Variants in CACNA2D4 observed in about 807,000 individuals in gnomAD.
CACNA2D4 encodes calcium voltage-gated channel auxiliary subunit alpha2delta 4.
Under a neutral mutation model 163.8 loss-of-function variants are expected in CACNA2D4, and 157 were observed. The observed-to-expected ratio is 0.96, with a 90% CI of 0.84 to 1.09. The LOEUF (loss-of-function observed/expected upper bound fraction) is 1.09. Ranked by LOEUF, CACNA2D4 falls within the 50% of genes least tolerant of loss-of-function variation. CACNA2D4 has a pLI of 0.00. For synonymous variants in CACNA2D4, 598 were observed against 586.9 expected, an observed-to-expected ratio of 1.02 and a Z score of -0.27; for missense variants, 1,410 against 1,479.9, an observed-to-expected ratio of 0.95 and a Z score of 0.78.
chr12:1,810,388 C>T (rs1486706540), intron 28 of CACNA2D4, 48 bp from the exon 29 acceptor site: 1 of 1,578,330 alleles, frequency 6.3e-7, no homozygotes, highest in Admixed American at 1.7e-5. Context: ...CTCACCCACC[C>T]CGGTCCTCCA....
chr12:1,836,809 G>GC (rs1183157752), intron 26 of CACNA2D4: 1 of 152,788 alleles, frequency 6.5e-6, no homozygotes. Context: ...GTTGCTTCCT[G>GC]CCCCCCACCT....
At chr12:1,794,683 G>A (rs1231918793) in intron 37 of CACNA2D4, among the ~76,000 whole-genome samples, 1 of 152,218 alleles carries the variant, frequency 6.6e-6, no homozygotes, top group East Asian at 1.9e-4. Flanking sequence ...GAAGAGACAC[G>A]TAGGCCAAGG....
intron 7 of CACNA2D4, among the ~76,000 whole-genome samples, 190 bp from the exon 8 acceptor site, chr12:1,886,563 A>G (rs992692008): frequency 2.0e-5 from 3 of 152,166 alleles, no homozygotes; most frequent in African/African-American, 7.2e-5. Flanking sequence ...CTGGGGTGGC[A>G]GTGGTTGGGG....
At chr12:1,800,612 C>T (rs1308877514) in intron 31 of CACNA2D4, 174 bp from the exon 32 acceptor site, 1 of 649,306 alleles carries the variant, frequency 1.5e-6, no homozygotes, top group East Asian at 2.7e-5. Context: ...CCACCTCCCA[C>T]CTGCCCTGCA....
intron 24 of CACNA2D4, among the ~76,000 whole-genome samples, 171 bp downstream of exon 24, chr12:1,846,423 T>C (rs1865144148): frequency 6.6e-6 from 1 of 151,626 alleles, no homozygotes; most frequent in Admixed American, 6.6e-5. Flanking sequence ...GGGCTGCCTT[T>C]CCCACTGCCC....
chr12:1,817,443 T>C (rs998419084), intron 26 of CACNA2D4, among the ~76,000 whole-genome samples: 1 of 151,966 alleles, frequency 6.6e-6, no homozygotes, highest in Non-Finnish European at 1.5e-5. Context: ...TGAACAGCTC[T>C]GTGTAGGAAA....
At chr12:1,864,189 C>G (rs1387398033) in intron 18 of CACNA2D4, among the ~76,000 whole-genome samples, 1 of 152,234 alleles carries the variant, frequency 6.6e-6, no homozygotes, top group Non-Finnish European at 1.5e-5. Context: ...AGCCGACCTT[C>G]AGGCTCCTAA....
chr12:1,891,848 C>T (rs2154450045), intron 6 of CACNA2D4, among the ~76,000 whole-genome samples: 1 of 151,856 alleles, frequency 6.6e-6, no homozygotes, highest in East Asian at 1.9e-4. Flanking sequence ...TTTCAGAACT[C>T]GAAGACAGGT....
rs1863030375 is a variant in CACNA2D4 at position 1,793,441 on chromosome 12, G to A, written c.*214C>T. ...GTTGAGACCTAGGGCAGATGGTACCGGGCACCATGAAGCATCTTGAAAGTG... is the reference window on the plus strand; with the variant it reads ...GTTGAGACCTAGGGCAGATGGTACCAGGCACCATGAAGCATCTTGAAAGTG... On this transcript the variant is annotated 3_prime_UTR_variant, in exon 38 of 38. Transcript: ENST00000382722. 2 of 616,194 alleles carry A rather than the reference G, an allele frequency of 3.2e-6. No individual in the cohort carries two copies. Among genetic ancestry groups the A allele is most frequent in the East Asian group, 2.8e-5 (1 of 36,256 alleles). 38.2% of individuals were successfully genotyped at this position (616,194 alleles called of 1,614,324 possible). A position where few individuals can be genotyped will look rare whatever the true frequency, so the allele number is the denominator to read the frequency against.
chr12:1,793,506 C>G lies in CACNA2D4; in HGVS notation c.*149G>C. On this transcript the variant is annotated 3_prime_UTR_variant, in exon 38 of 38. Transcript: ENST00000382722. ...GTTTCCTGTTCCATCCAGCATTCTC[C>G]GGAGCCAGGGGCCACCAGCCCAGGA... 1 of 705,328 alleles carries G rather than the reference C, an allele frequency of 1.4e-6. No homozygotes were observed. 43.7% of individuals were successfully genotyped at this position (705,328 alleles called of 1,614,324 possible).
At chr12:1,911,927 T>C (rs1465293639) in intron 3 of CACNA2D4, among the ~76,000 whole-genome samples, 2 of 152,214 alleles carry the variant, frequency 1.3e-5, no homozygotes, top group Admixed American at 6.5e-5. Flanking sequence ...TGGTGTGTGA[T>C]TCAGGGACCC....
At chr12:1,811,540 G>A in intron 27 of CACNA2D4, 122 bp downstream of exon 27, 2 of 990,240 alleles carry the variant, frequency 2.0e-6, no homozygotes, top group Non-Finnish European at 3.1e-6. Flanking sequence ...GAAGTGTAGG[G>A]GCCGGGAGGG....
intron 37 of CACNA2D4, among the ~76,000 whole-genome samples, chr12:1,794,703 C>T (rs117455128): frequency 0.037 from 5,583 of 152,274 alleles, 133 homozygotes; most frequent in Middle Eastern, 0.14. Flanking sequence ...GCACGGGGTA[C>T]GCAGAGCTCC....
chr12:1,834,153 C>A lies in CACNA2D4; in HGVS notation c.2551+6586G>T. 8.2e-7 allele frequency: 1 copy of A among 1,215,818 alleles called. No individual in the cohort carries two copies. Among genetic ancestry groups the A allele is most frequent in the Non-Finnish European group, 1.1e-6 (1 of 895,036 alleles). 75.3% of individuals were successfully genotyped at this position (1,215,818 alleles called of 1,614,324 possible). ...TAGATGGTGATTCCAGGATTGACTA[C>A]ATTGCTGATAAAAACTACCTTCTGG... On this transcript the variant is annotated intron_variant, in intron 26 of 37. Coordinates refer to ENST00000382722, the MANE Select transcript of CACNA2D4 (RefSeq NM_172364.5). This position sits in a 1 kb window ranked among gnomAD's most constrained non-coding sequence, Gnocchi z 7.6.
At chr12:1,847,369 T>C (rs1261457873) in intron 23 of CACNA2D4, among the ~76,000 whole-genome samples, 3 of 152,140 alleles carry the variant, frequency 2.0e-5, no homozygotes. Context: ...TGCCCAAGGG[T>C]GTGTGCTATA....
chr12:1,855,311 G>T (rs935459348), intron 22 of CACNA2D4, among the ~76,000 whole-genome samples: 1 of 152,208 alleles, frequency 6.6e-6, no homozygotes, highest in African/African-American at 2.4e-5. Flanking sequence ...TAAGTGCCCT[G>T]TTGGGTTGGC....
chr12:1,793,549 C>T lies in CACNA2D4; in HGVS notation c.*106G>A. ...GCCCAGGATTGAGAGGAGCGTTGGC[C>T]TGGGGGCGACCCAACTGCAGTTAGC... On this transcript the variant is annotated 3_prime_UTR_variant, in exon 38 of 38. Transcript: ENST00000382722. 2.1e-6 allele frequency: 2 copies of T among 958,322 alleles called. No homozygotes were observed. The highest frequency in any genetic ancestry group is 1.7e-6 in the Non-Finnish European group (1 of 603,482). The allele number at this position is 958,322 out of a possible 1,614,324, so 59.4% of individuals were successfully genotyped here.
chr12:1,895,812 A>G (rs1031300187), intron 6 of CACNA2D4, among the ~76,000 whole-genome samples: 1 of 151,766 alleles, frequency 6.6e-6, no homozygotes, highest in Non-Finnish European at 1.5e-5. Context: ...ACATTTTAAA[A>G]TTTTTTGTAG....
In CACNA2D4 at chr12:1,843,861, A is replaced by G. The variant is rs1592705520; in HGVS notation, c.2470+541T>C. On this transcript the variant is annotated intron_variant, in intron 25 of 37. Coordinates refer to ENST00000382722, the MANE Select transcript of CACNA2D4 (RefSeq NM_172364.5). The surrounding 1 kb of genome is among the most constrained non-coding windows in gnomAD (Gnocchi z 4.6). ...CCACCCTCCCCACCACCTGCCTGGC[A>G]CAGCCTCTCTCTTGAGCTGAGAGGG... Among the ~76,000 whole-genome samples, 1 of 152,084 alleles carries G rather than the reference A, an allele frequency of 6.6e-6. No homozygotes were observed. Among genetic ancestry groups the G allele is most frequent in the Non-Finnish European group, 1.5e-5 (1 of 68,016 alleles).
Sources: allele counts gnomAD v4.1 joint callset (sites outside exome capture counted in the v4.1 genomes callset), GRCh38; gene constraint gnomAD v4.1.1; non-coding constraint Gnocchi (gnomAD v3.1); transcripts MANE v1.5; gene names NCBI Gene and HGNC (gene_info 2026-07-23, HGNC 2026-07-21).